The following AHCY variants were observed in gnomAD, a reference collection of about 807,000 sequenced individuals.
The protein encoded by AHCY is S-adenosyl-L-homocysteine hydrolase.
A neutral mutation model predicts 45.4 loss-of-function variants in AHCY; 24 were observed. That is an observed-to-expected ratio of 0.53 (90% CI 0.38 to 0.74). The LOEUF is 0.74. AHCY is among the 30% of genes least tolerant of loss of function. AHCY has a pLI of 0.00. For missense variants in AHCY, 449 were observed against 594.1 expected (o/e 0.76, Z 2.54); for synonymous variants, 245 against 235.1 (o/e 1.04, Z -0.39).
Position 34,292,348 on chromosome 20 carries a change from C to T in AHCY, c.445+10G>A. 6.2e-7 allele frequency: 1 copy of T among 1,612,422 alleles called. No homozygotes were observed. The highest frequency in any genetic ancestry group is 8.5e-7 in the Non-Finnish European group (1 of 1,179,770). ...ACCAGCACCCAGCCCACCTGCCCCG[C>T]CCTGCTCACCTGGCAGAAGCTGCGG... On this transcript the variant is annotated intron_variant, in intron 4 of 9. Transcript: ENST00000217426.
rs1362388395 is a variant in AHCY at position 34,281,132 on chromosome 20, T to A, written c.1201A>T (p.Lys401Ter). 6.2e-7 allele frequency: 1 copy of A among 1,613,826 alleles called. No homozygotes were observed. Among genetic ancestry groups the A allele is most frequent in the Non-Finnish European group, 8.5e-7 (1 of 1,180,040 alleles). ...DEAVAEAHLG[K>*]LNVKLTKLTE... is the part of the protein sequence containing the mutation. ...AGCTTGGTCAACTTCACATTCAGCTTGCCCAGGTGGGCTTCAGCCACTGCC... is the reference window on the plus strand; with the variant it reads ...AGCTTGGTCAACTTCACATTCAGCTAGCCCAGGTGGGCTTCAGCCACTGCC... The change falls in exon 10 of 10, where the codon AAG becomes TAG. Residue 401 changes from lysine (K) to a stop codon, truncating the protein, a stop_gained. Coordinates refer to ENST00000217426, the MANE Select transcript of AHCY (RefSeq NM_000687.4). LOFTEE classifies it high-confidence loss of function.
At chr20:34,275,351 C>T (rs551077940), downstream of AHCY, among the ~76,000 whole-genome samples, 17 of 152,116 alleles carry the variant, frequency 1.1e-4, no homozygotes, top group South Asian at 4.1e-4. Flanking sequence ...AGGCTGGTCT[C>T]GAACTCCTGA....
At chr20:34,260,264 CAG>C in the AHCY span, 1 of 1,242,506 alleles carries the variant, frequency 8.0e-7, no homozygotes. Context: ...ACTTGCCTAA[CAG>C]GGTCACAACA....
At position 34,300,574 on chromosome 20, in the gene AHCY, T is replaced by C. The variant is rs534880826; in HGVS notation, c.28+2669A>G. On this transcript the variant is annotated intron_variant, in intron 1 of 9. Transcript: ENST00000217426. ...CCTCTCAAGCACCTAATACAGTACC[T>C]GGCACACAGTAGGTGCTGAAAAAAA... is the stretch of plus-strand genomic sequence containing the variant. Among the ~76,000 whole-genome samples the C allele has an allele frequency of 1.6e-5, 2 of 126,472 alleles. 1 individual carries two copies. The highest frequency in any genetic ancestry group is 4.2e-4 in the South Asian group (2 of 4,808). 83.0% of individuals were successfully genotyped at this position (126,472 alleles called of 152,430 possible). A position where few individuals can be genotyped will look rare whatever the true frequency, so the allele number is the denominator to read the frequency against.
Position 34,295,380 on chromosome 20 carries a change from A to G in AHCY, c.219+15T>C, listed in dbSNP as rs2036540259. The G allele has an allele frequency of 1.2e-6, 2 of 1,613,688 alleles. No homozygotes were observed. Among genetic ancestry groups the G allele is most frequent in the Admixed American group, 3.3e-5 (2 of 59,968 alleles). On this transcript the variant is annotated intron_variant, in intron 2 of 9. Transcript: ENST00000217426. ...GAGGGCAAGGACTCTGGGGTGATAC[A>G]GCTGTGGGCCTCACCTCAGCACCCA...
downstream of AHCY, among the ~76,000 whole-genome samples, chr20:34,278,901 G>A (rs1002978705): frequency 1.1e-4 from 16 of 151,882 alleles, no homozygotes; most frequent in African/African-American, 3.9e-4. Flanking sequence ...CTGAGGTTAG[G>A]AGTTCAAGAC....
chr20:34,307,320 C>A (rs1312353143), upstream of AHCY, among the ~76,000 whole-genome samples: 1 of 152,008 alleles, frequency 6.6e-6, no homozygotes, highest in East Asian at 1.9e-4. Context: ...GAACCTCTGA[C>A]CTCAAATGAT....
chr20:34,266,534 G>A, the AHCY span, among the ~76,000 whole-genome samples: 6 of 151,534 alleles, frequency 4.0e-5, no homozygotes, highest in African/African-American at 7.3e-5. Context: ...TTAGCTGGGC[G>A]TGGTGGTGCA....
intron 8 of AHCY, among the ~76,000 whole-genome samples, chr20:34,289,808 C>T (rs1281122038): frequency 1.3e-5 from 2 of 151,910 alleles, no homozygotes; most frequent in African/African-American, 2.4e-5. Flanking sequence ...TTAGTAGAGA[C>T]GGGGTTTCAA....
At chr20:34,261,529 G>A in the AHCY span, among the ~76,000 whole-genome samples, 2 of 152,180 alleles carry the variant, frequency 1.3e-5, no homozygotes, top group African/African-American at 4.8e-5. Context: ...AGCTACTTGG[G>A]AGGCTGAGGC....
chr20:34,232,964 C>T, the AHCY span, among the ~76,000 whole-genome samples: 1 of 152,250 alleles, frequency 6.6e-6, no homozygotes, highest in Admixed American at 6.5e-5. Flanking sequence ...CCCTACCTCT[C>T]CACACTTCCT....
chr20:34,261,404 C>T, the AHCY span, among the ~76,000 whole-genome samples: 27 of 152,302 alleles, frequency 1.8e-4, 2 homozygotes, highest in East Asian at 1.4e-3. Context: ...TAGGCTGAGG[C>T]GGGCAGATCT....
chr20:34,262,682 G>A, the AHCY span: 4 of 775,974 alleles, frequency 5.2e-6, no homozygotes, highest in Non-Finnish European at 8.6e-6. Context: ...AGAACCTACT[G>A]GCTTGAGTCC....
upstream of AHCY, among the ~76,000 whole-genome samples, chr20:34,304,525 ATTT>A (rs564670743): frequency 7.0e-6 from 1 of 142,180 alleles, no homozygotes. Context: ...TTTCCCCTGA[ATTT>A]TTTTTTTTTT....
At chr20:34,237,451 C>T in the AHCY span, among the ~76,000 whole-genome samples, 1 of 152,020 alleles carries the variant, frequency 6.6e-6, no homozygotes, top group Non-Finnish European at 1.5e-5. Flanking sequence ...TCTTAATTTC[C>T]TTTTCAGATT....
At chr20:34,262,507 C>A in the AHCY span, among the ~76,000 whole-genome samples, 1,317 of 152,298 alleles carry the variant, frequency 8.6e-3, 21 homozygotes, top group African/African-American at 0.03. Context: ...AAGGAAGGGG[C>A]ACCTGGGGTG....
upstream of AHCY, among the ~76,000 whole-genome samples, chr20:34,304,051 C>T (rs2036864133): frequency 6.6e-6 from 1 of 152,146 alleles, no homozygotes; most frequent in Non-Finnish European, 1.5e-5. Flanking sequence ...TACTGACATC[C>T]CAAACATTCG....
chr20:34,233,143 CT>C, the AHCY span, among the ~76,000 whole-genome samples: 22,433 of 100,052 alleles, frequency 0.22, 1,437 homozygotes, highest in Admixed American at 0.27. Context: ...GGGACAAGAG[CT>C]TTTTTTTTTT....
the AHCY span, among the ~76,000 whole-genome samples, chr20:34,247,128 G>A: frequency 6.6e-6 from 1 of 151,908 alleles, no homozygotes; most frequent in African/African-American, 2.4e-5. Context: ...AAGTAGCTGG[G>A]ACTACAGGCA....
Sources: allele counts gnomAD v4.1 joint callset (sites outside exome capture counted in the v4.1 genomes callset), GRCh38; gene constraint gnomAD v4.1.1; transcripts MANE v1.5; gene names NCBI Gene and HGNC (gene_info 2026-07-23, HGNC 2026-07-21).